SUCLG2: variants seen among roughly 807,000 people sequenced by gnomAD.
SUCLG2 encodes succinate--CoA ligase [GDP-forming] subunit beta, mitochondrial.
SUCLG2 carries 42 observed loss-of-function variants against 47.9 expected under a neutral mutation model. The observed-to-expected ratio is 0.88, with a 90% CI of 0.69 to 1.14. SUCLG2 has a LOEUF of 1.14. Ranked by LOEUF, SUCLG2 falls within the 50% of genes most tolerant of loss-of-function variation. The pLI is 0.00. For synonymous variants in SUCLG2, 195 were observed against 197.3 expected (o/e 0.99, Z 0.10); for missense variants, 571 against 525.9 (o/e 1.09, Z -0.84).
At chr3:67,459,091 GC>G (rs893611486) in intron 9 of SUCLG2, among the ~76,000 whole-genome samples, 8 of 152,224 alleles carry the variant, frequency 5.3e-5, no homozygotes, top group African/African-American at 1.9e-4. Context: ...AATTCAACCT[GC>G]CTCTGATCTT....
At chr3:67,530,579 C>T (rs955602110) in intron 2 of SUCLG2, among the ~76,000 whole-genome samples, 1 of 152,186 alleles carries the variant, frequency 6.6e-6, no homozygotes, top group African/African-American at 2.4e-5. Context: ...TGGGGAGCTA[C>T]AGAAGTATTT....
chr3:67,510,780 T>C (rs960878733), intron 6 of SUCLG2, among the ~76,000 whole-genome samples: 13 of 152,320 alleles, frequency 8.5e-5, no homozygotes, highest in African/African-American at 3.1e-4. Context: ...CTTATTTATC[T>C]CTGTATATTT....
At chr3:67,628,610 T>C (rs143298286) in intron 1 of SUCLG2, among the ~76,000 whole-genome samples, 1,767 of 152,220 alleles carry the variant, frequency 0.012, 40 homozygotes, top group African/African-American at 0.04. Context: ...AACTGAATCA[T>C]GGGGGTGGGT....
chr3:67,430,783 C>T (rs887058316), intron 9 of SUCLG2, among the ~76,000 whole-genome samples: 1 of 151,766 alleles, frequency 6.6e-6, no homozygotes, highest in African/African-American at 2.4e-5. Context: ...ACCACCGATC[C>T]CACAGAAATA....
At chr3:67,553,245 A>G (rs1298630330) in intron 2 of SUCLG2, among the ~76,000 whole-genome samples, 1 of 152,096 alleles carries the variant, frequency 6.6e-6, no homozygotes, top group Non-Finnish European at 1.5e-5. Flanking sequence ...TGAAGACAGC[A>G]CTCTTGTCCA....
chr3:67,368,752 C>T (rs1346938876), intron 10 of SUCLG2, among the ~76,000 whole-genome samples: 2 of 151,936 alleles, frequency 1.3e-5, no homozygotes, highest in Non-Finnish European at 2.9e-5. Flanking sequence ...ATTACAGGTA[C>T]CCGCCACCAC....
intron 5 of SUCLG2, among the ~76,000 whole-genome samples, chr3:67,519,112 A>G (rs1296110016): frequency 6.6e-6 from 1 of 152,038 alleles, no homozygotes; most frequent in Non-Finnish European, 1.5e-5. Flanking sequence ...TGTGTAGTCT[A>G]CACATTCCCC....
intron 9 of SUCLG2, among the ~76,000 whole-genome samples, chr3:67,435,822 A>G (rs1294074427): frequency 1.3e-5 from 2 of 152,212 alleles, no homozygotes; most frequent in Non-Finnish European, 2.9e-5. Flanking sequence ...CTTAGGAACA[A>G]ACACGAACAT....
rs537027258 is a variant in SUCLG2 at position 67,582,406 on chromosome 3, C to T, written c.226+27049G>A. On this transcript the variant is annotated intron_variant, in intron 2 of 10. Coordinates refer to ENST00000307227, the MANE Select transcript of SUCLG2 (RefSeq NM_003848.4). The stretch of plus-strand genomic sequence containing the variant: ...CCTTAGGATAGTTTGCTTAGGATAA[C>T]GGCTTCCAGCTCCATGCATGTTGCT... 7.2e-5 allele frequency among the ~76,000 whole-genome samples: 11 copies of T among 152,250 alleles called. No homozygotes were observed. The East Asian group carries it at 9.7e-4, about 13-fold the overall frequency.
chr3:67,528,355 G>A (rs1280423503), intron 3 of SUCLG2, 133 bp from the exon 4 acceptor site: 15 of 762,750 alleles, frequency 2.0e-5, no homozygotes, highest in Non-Finnish European at 2.8e-5. Flanking sequence ...GAGTCTTTCT[G>A]CTTATGTGCT....
At chr3:67,625,055 A>G (rs1196490313) in intron 1 of SUCLG2, among the ~76,000 whole-genome samples, 1 of 152,234 alleles carries the variant, frequency 6.6e-6, no homozygotes, top group Non-Finnish European at 1.5e-5. Context: ...AAACATCAAG[A>G]AAGTTTTATA....
intron 2 of SUCLG2, among the ~76,000 whole-genome samples, chr3:67,596,728 T>A (rs540530035): frequency 4.0e-4 from 61 of 152,314 alleles, no homozygotes; most frequent in African/African-American, 1.5e-3. Context: ...TAACGTCCCA[T>A]TGAAAAGAGG....
At chr3:67,370,132 A>G (rs990713068), downstream of SUCLG2, among the ~76,000 whole-genome samples, 1 of 152,288 alleles carries the variant, frequency 6.6e-6, no homozygotes, top group South Asian at 2.1e-4. Flanking sequence ...ACAACTGTCA[A>G]TGGGTCCATA....
At chr3:67,587,176 A>G (rs1038913554) in intron 2 of SUCLG2, among the ~76,000 whole-genome samples, 2 of 152,160 alleles carry the variant, frequency 1.3e-5, no homozygotes, top group East Asian at 3.9e-4. Context: ...TACGTCTCCT[A>G]GCTTCCCTCG....
chr3:67,421,942 T>C (rs1410492406), intron 9 of SUCLG2, among the ~76,000 whole-genome samples: 1 of 152,206 alleles, frequency 6.6e-6, no homozygotes, highest in African/African-American at 2.4e-5. Context: ...TGATGAGAAA[T>C]GTTTTCAATT....
intron 6 of SUCLG2, among the ~76,000 whole-genome samples, chr3:67,514,993 A>C (rs1705901718): frequency 1.3e-5 from 2 of 152,138 alleles, no homozygotes; most frequent in Admixed American, 1.3e-4. Context: ...TCCCTCACGA[A>C]GTATTGCCAG....
intron 1 of SUCLG2, among the ~76,000 whole-genome samples, chr3:67,629,942 C>A (rs1188114904): frequency 1.3e-5 from 2 of 152,098 alleles, no homozygotes; most frequent in Non-Finnish European, 2.9e-5. Flanking sequence ...TTCATTACAG[C>A]ATTCTCTAAT....
intron 10 of SUCLG2, among the ~76,000 whole-genome samples, chr3:67,365,030 G>A (rs923010578): frequency 2.0e-5 from 3 of 152,160 alleles, no homozygotes; most frequent in African/African-American, 7.2e-5. Context: ...AAAAATGGAT[G>A]AGCTGAACAG....
chr3:67,360,756 T>C (rs970014246), exon 11 of SUCLG2: 12 of 1,513,620 alleles, frequency 7.9e-6, no homozygotes, highest in Non-Finnish European at 1.1e-5. Flanking sequence ...TCCTTTTTTT[T>C]CCATAAAAGT....
Sources: allele counts gnomAD v4.1 joint callset (sites outside exome capture counted in the v4.1 genomes callset), GRCh38; gene constraint gnomAD v4.1.1; transcripts MANE v1.5; gene names NCBI Gene and HGNC (gene_info 2026-07-23, HGNC 2026-07-21).